The following KLHL2 variants were observed in gnomAD, a reference collection of about 807,000 sequenced individuals.
The protein encoded by KLHL2 is kelch like family member 2.
KLHL2 carries 15 observed loss-of-function variants against 75.8 expected under a neutral mutation model. The observed-to-expected ratio is 0.20, with a 90% CI of 0.13 to 0.30. The LOEUF (loss-of-function observed/expected upper bound fraction) is 0.30, where lower values mean the gene tolerates loss of function less well. Ranked by LOEUF, KLHL2 falls within the 10% of genes least tolerant of loss-of-function variation. The pLI, the probability that KLHL2 is intolerant of heterozygous loss-of-function variation, is 1.00. For synonymous variants in KLHL2, 214 were observed against 251.9 expected (o/e 0.85, Z 1.42); for missense variants, 381 against 741.0 (o/e 0.51, Z 5.64).
At chr4:165,255,018 AT>A (rs1459200081) in intron 4 of KLHL2, among the ~76,000 whole-genome samples, 80 of 152,348 alleles carry the variant, frequency 5.3e-4, no homozygotes, top group African/African-American at 1.8e-3. Flanking sequence ...GTTGACTGAC[AT>A]TTAATTTTTC....
At chr4:165,278,638 A>C in intron 5 of KLHL2, 1 of 1,592,972 alleles carries the variant, frequency 6.3e-7, no homozygotes. Flanking sequence ...TTATAATTCC[A>C]AGATTGTCTC....
At chr4:165,312,928 G>A (rs759697561) in intron 11 of KLHL2, among the ~76,000 whole-genome samples, 11 of 152,076 alleles carry the variant, frequency 7.2e-5, no homozygotes, top group Non-Finnish European at 1.5e-4. Flanking sequence ...CTGTCTTACA[G>A]GATGTTGTTC....
intron 11 of KLHL2, among the ~76,000 whole-genome samples, chr4:165,312,097 T>A (rs1327294167): frequency 1.3e-5 from 2 of 152,114 alleles, no homozygotes; most frequent in African/African-American, 4.8e-5. Context: ...GGTTCACACT[T>A]CTGTGAGAAT....
At chr4:165,230,982 A>G (rs1044007225) in intron 3 of KLHL2, among the ~76,000 whole-genome samples, 9 of 152,196 alleles carry the variant, frequency 5.9e-5, no homozygotes, top group African/African-American at 1.2e-4. Flanking sequence ...TTGCAGTTCA[A>G]CTGGTTTCTG....
chr4:165,266,670 T>C (rs1742266374), intron 5 of KLHL2, among the ~76,000 whole-genome samples: 1 of 152,168 alleles, frequency 6.6e-6, no homozygotes, highest in Non-Finnish European at 1.5e-5. Flanking sequence ...TTCTGTTCCA[T>C]TGGTCTATAT....
intron 5 of KLHL2, among the ~76,000 whole-genome samples, chr4:165,280,187 T>C (rs919554523): frequency 3.3e-5 from 5 of 152,246 alleles, no homozygotes; most frequent in African/African-American, 1.2e-4. Flanking sequence ...AGCTATCCTC[T>C]TTATGTGCCT....
At chr4:165,307,179 G>A (rs1220449145) in intron 9 of KLHL2, among the ~76,000 whole-genome samples, 1 of 152,074 alleles carries the variant, frequency 6.6e-6, no homozygotes, top group African/African-American at 2.4e-5. Context: ...ATGGTGGCAG[G>A]CACCTGTAAT....
At chr4:165,274,067 T>C (rs1315701043) in intron 5 of KLHL2, among the ~76,000 whole-genome samples, 1 of 151,502 alleles carries the variant, frequency 6.6e-6, no homozygotes, top group Non-Finnish European at 1.5e-5. Context: ...ATATTTTTCT[T>C]TTTCTTTTTC....
intron 9 of KLHL2, among the ~76,000 whole-genome samples, chr4:165,308,834 C>G (rs1288570819): frequency 6.6e-6 from 1 of 152,132 alleles, no homozygotes; most frequent in Middle Eastern, 3.2e-3. Flanking sequence ...TCACGAGTCT[C>G]CAGGCCCTCT....
intron 14 of KLHL2, 87 bp downstream of exon 14, chr4:165,318,056 A>G: frequency 1.6e-6 from 2 of 1,226,908 alleles, no homozygotes; most frequent in South Asian, 2.6e-5. Context: ...TGTTATAAGA[A>G]TAAAGTCTTT....
intron 5 of KLHL2, among the ~76,000 whole-genome samples, chr4:165,290,173 G>T (rs1488017669): frequency 6.6e-6 from 1 of 151,566 alleles, no homozygotes; most frequent in Non-Finnish European, 1.5e-5. Context: ...TTGAGACAGG[G>T]TCTCACTCTG....
intron 1 of KLHL2, among the ~76,000 whole-genome samples, chr4:165,216,632 GTATGTA>G (rs1737558692): frequency 6.6e-6 from 1 of 152,054 alleles, no homozygotes; most frequent in African/African-American, 2.4e-5. Flanking sequence ...GTTATTCCTA[GTATGTA>G]TATGTATATA....
chr4:165,310,245 A>G (rs1014780218), intron 9 of KLHL2, among the ~76,000 whole-genome samples: 6 of 152,188 alleles, frequency 3.9e-5, no homozygotes, highest in Admixed American at 2.6e-4. Context: ...GAATGGTGTG[A>G]ACACGGGAGG....
At chr4:165,247,840 G>A (rs995026083) in intron 4 of KLHL2, among the ~76,000 whole-genome samples, 3 of 152,154 alleles carry the variant, frequency 2.0e-5, no homozygotes, top group Non-Finnish European at 2.9e-5. Flanking sequence ...AAGTGTAGTC[G>A]AATTGTCAGG....
intron 11 of KLHL2, among the ~76,000 whole-genome samples, chr4:165,312,456 G>T (rs1338394568): frequency 1.3e-5 from 2 of 151,412 alleles, no homozygotes; most frequent in Non-Finnish European, 2.9e-5. Flanking sequence ...GGGCAAATTT[G>T]CAGGTTTCCA....
intron 14 of KLHL2, 107 bp downstream of exon 14, chr4:165,318,076 A>G: frequency 4.1e-6 from 4 of 973,332 alleles, no homozygotes; most frequent in South Asian, 1.5e-5. Context: ...TTCTCAAGGT[A>G]TAGTTTATAT....
At chr4:165,297,011 A>G (rs185191602) in intron 6 of KLHL2, among the ~76,000 whole-genome samples, 1 of 152,270 alleles carries the variant, frequency 6.6e-6, no homozygotes, top group Non-Finnish European at 1.5e-5. Flanking sequence ...TTATTCCTGG[A>G]TCAAAATAAC....
chr4:165,314,301 T>C (rs1375928693), intron 13 of KLHL2, 135 bp downstream of exon 13: 2 of 739,084 alleles, frequency 2.7e-6, no homozygotes, highest in Non-Finnish European at 4.2e-6. Context: ...GACTCTGAAC[T>C]CTTTAAAGCC....
At chr4:165,282,696 T>G (rs1256323482) in intron 5 of KLHL2, among the ~76,000 whole-genome samples, 1 of 133,526 alleles carries the variant, frequency 7.5e-6, no homozygotes, top group Non-Finnish European at 1.6e-5. Context: ...TGTAAGATTT[T>G]GAGGAATTTC....
Sources: gnomAD v4.1 joint callset for allele counts (sites outside exome capture counted in the v4.1 genomes callset) on GRCh38, gnomAD v4.1.1 for gene constraint, MANE v1.5 for transcripts, NCBI Gene and HGNC (gene_info 2026-07-23, HGNC 2026-07-21) for gene names.